The following TMEM177 variants were observed in gnomAD, a reference collection of about 807,000 sequenced individuals.
The protein encoded by TMEM177 is transmembrane protein 177.
In TMEM177, 4 loss-of-function variants were observed where a neutral mutation model predicts 14.2. That is an observed-to-expected ratio of 0.28 (90% CI 0.14 to 0.64). The LOEUF (loss-of-function observed/expected upper bound fraction) is 0.64, where lower values mean the gene tolerates loss of function less well. Ranked by LOEUF, TMEM177 falls within the 30% of genes least tolerant of loss-of-function variation. The probability of loss-of-function intolerance (pLI) is 0.82; values close to 1 mark genes in which losing one functional copy is unlikely to be tolerated. For missense variants in TMEM177, 344 were observed against 405.2 expected (o/e 0.85, Z 1.30); for synonymous variants, 179 against 174.5 (o/e 1.03, Z -0.20).
chr2:119,716,493 T>G, the TMEM177 span, among the ~76,000 whole-genome samples: 1 of 152,156 alleles, frequency 6.6e-6, no homozygotes, highest in African/African-American at 2.4e-5. Context: ...GCCAGGATCC[T>G]CTCTCAGCAA....
At chr2:119,697,761 A>G in the TMEM177 span, among the ~76,000 whole-genome samples, 5 of 151,870 alleles carry the variant, frequency 3.3e-5, no homozygotes, top group Admixed American at 6.6e-5. Flanking sequence ...CTTCACAGCA[A>G]CCTCGCTGAG....
the TMEM177 span, among the ~76,000 whole-genome samples, chr2:119,711,445 C>T: frequency 1.3e-5 from 2 of 152,114 alleles, no homozygotes; most frequent in South Asian, 4.1e-4. Flanking sequence ...ATTCACAAAG[C>T]CCCTGGCACG....
chr2:119,694,311 CCACA>C, the TMEM177 span, among the ~76,000 whole-genome samples: 1 of 149,818 alleles, frequency 6.7e-6, no homozygotes, highest in South Asian at 2.1e-4. Flanking sequence ...CACTATACCT[CCACA>C]CACACCACTC....
At chr2:119,684,201 C>A (rs146793995), downstream of TMEM177, among the ~76,000 whole-genome samples, 355 of 152,324 alleles carry the variant, frequency 2.3e-3, no homozygotes, top group Non-Finnish European at 3.0e-3. Context: ...CTGCTCTCCC[C>A]TCCTGCCCAC....
the TMEM177 span, among the ~76,000 whole-genome samples, chr2:119,701,589 A>G: frequency 1.3e-5 from 2 of 152,188 alleles, no homozygotes; most frequent in Non-Finnish European, 1.5e-5. Flanking sequence ...AAGGCCACAG[A>G]GGGGTTCCAG....
At chr2:119,688,548 C>G (rs562317823), downstream of TMEM177, among the ~76,000 whole-genome samples, 1 of 152,108 alleles carries the variant, frequency 6.6e-6, no homozygotes, top group Non-Finnish European at 1.5e-5. Context: ...GTAGCTGTAA[C>G]GCAATGGTGA....
chr2:119,680,997 C>T lies in TMEM177; in HGVS notation c.144C>T (p.Tyr48=), dbSNP rs1688881101. Residue 48 remains tyrosine, a synonymous_variant, in exon 2 of 2, where the codon TAC becomes TAT. Transcript: ENST00000272521. ...CCGTGGTCCAATGGCTCTACCAGTACTGGCCTCAGGGCCAGCCAGCTCCGC... is the reference window on the plus strand; with the variant it reads ...CCGTGGTCCAATGGCTCTACCAGTATTGGCCTCAGGGCCAGCCAGCTCCGC... The part of the protein sequence containing the change: ...PDPVVQWLYQ[Y]WPQGQPAPLP... 6.2e-7 allele frequency: 1 copy of T among 1,614,242 alleles called. No homozygotes were observed. The highest frequency in any genetic ancestry group is 8.5e-7 in the Non-Finnish European group (1 of 1,180,044).
chr2:119,700,860 C>A, the TMEM177 span, among the ~76,000 whole-genome samples: 2 of 152,326 alleles, frequency 1.3e-5, no homozygotes, highest in South Asian at 4.1e-4. Flanking sequence ...GAATAGGTAA[C>A]CTTGCTTTTT....
downstream of TMEM177, among the ~76,000 whole-genome samples, chr2:119,683,335 G>A (rs1688949499): frequency 6.6e-6 from 1 of 152,198 alleles, no homozygotes; most frequent in Admixed American, 6.5e-5. Flanking sequence ...ATACATAGGT[G>A]GATAGATGAG....
the TMEM177 span, among the ~76,000 whole-genome samples, chr2:119,707,973 C>A: frequency 6.6e-6 from 1 of 152,220 alleles, no homozygotes; most frequent in African/African-American, 2.4e-5. Context: ...GCTCCGGCGC[C>A]TCTCCCAAAA....
the TMEM177 span, among the ~76,000 whole-genome samples, chr2:119,721,990 G>A: frequency 6.6e-6 from 1 of 152,160 alleles, no homozygotes; most frequent in African/African-American, 2.4e-5. Flanking sequence ...TTCCCATCCT[G>A]CCCACAAGAA....
the TMEM177 span, among the ~76,000 whole-genome samples, chr2:119,703,314 C>T: frequency 1.3e-5 from 2 of 152,162 alleles, no homozygotes; most frequent in African/African-American, 4.8e-5. Flanking sequence ...CAGCTGGGAG[C>T]GAGGCTGGGC....
At position 119,681,439 on chromosome 2, in the gene TMEM177, G is replaced by A. The variant is rs771842601; in HGVS notation, c.586G>A (p.Gly196Ser). The change falls in exon 2 of 2, where the codon GGC becomes AGC. Residue 196 changes from glycine (G) to serine (S), a missense_variant. Transcript: ENST00000272521. ...GAKYTLGLHA[G>S]PMNLRAAFSL... ...CAAGTACACCCTGGGGCTCCATGCA[G>A]GCCCCATGAATTTACGGGCTGCCTT... The A allele has an allele frequency of 4.3e-6, 7 of 1,613,792 alleles. No homozygotes were observed. The South Asian group carries it at 7.7e-5, about 18-fold the overall frequency.
the TMEM177 span, among the ~76,000 whole-genome samples, chr2:119,694,133 C>G: frequency 1.7e-4 from 5 of 29,632 alleles, no homozygotes; most frequent in Admixed American, 1.7e-3. Context: ...ACATGCCACG[C>G]ACATTGCACG....
In TMEM177 at chr2:119,681,681, G is replaced by A; in HGVS notation, c.828G>A (p.Gly276=). Residue 276 remains glycine (G), a synonymous_variant, in exon 2 of 2, where the codon GGG becomes GGA. Transcript: ENST00000272521. The part of the protein sequence containing the change: ...KDGEKLYTPS[G]NIVPRHLFRI... ...GGGAGAAGCTGTATACACCCAGCGG[G>A]AACATCGTCCCCAGACACTTGTTCC... is the stretch of plus-strand genomic sequence containing the variant. The A allele has an allele frequency of 1.2e-6, 2 of 1,614,162 alleles. No individual in the cohort carries two copies. The highest frequency in any genetic ancestry group is 8.5e-7 in the Non-Finnish European group (1 of 1,180,042).
At chr2:119,688,218 T>C (rs1167122465), downstream of TMEM177, among the ~76,000 whole-genome samples, 1 of 152,170 alleles carries the variant, frequency 6.6e-6, no homozygotes, top group East Asian at 1.9e-4. Flanking sequence ...TGCATGGTGA[T>C]TGCAATAATG....
Position 119,681,113 on chromosome 2 carries a change from C to T in TMEM177, c.260C>T (p.Thr87Ile), listed in dbSNP as rs756565870. 2 of 1,614,260 alleles carry T rather than the reference C, an allele frequency of 1.2e-6. No individual in the cohort carries two copies. The highest frequency in any genetic ancestry group is 3.3e-5 in the Admixed American group (2 of 60,038). Residue 87 changes from threonine (T) to isoleucine (I), a missense_variant, in exon 2 of 2, where the codon ACC (threonine) becomes ATC (isoleucine). Transcript: ENST00000272521. The stretch of plus-strand genomic sequence containing the variant: ...TGCTACAAGCCCTTCACCACCTTCA[C>T]CTTCCAACCTGTGAGTGCAGGCTTC... ...GHCYKPFTTF[T>I]FQPVSAGFPR...
At chr2:119,707,787 C>A in the TMEM177 span, among the ~76,000 whole-genome samples, 1 of 152,248 alleles carries the variant, frequency 6.6e-6, no homozygotes, top group Non-Finnish European at 1.5e-5. Flanking sequence ...CCCCTCCCCT[C>A]CTCCACTCCG....
downstream of TMEM177, among the ~76,000 whole-genome samples, chr2:119,690,792 C>T (rs549185179): frequency 2.6e-5 from 4 of 152,378 alleles, no homozygotes; most frequent in East Asian, 5.8e-4. Flanking sequence ...GAATTATGCT[C>T]GCTTTTACCC....
Sources: gnomAD v4.1 joint callset for allele counts (sites outside exome capture counted in the v4.1 genomes callset) on GRCh38, gnomAD v4.1.1 for gene constraint, MANE v1.5 for transcripts, NCBI Gene and HGNC (gene_info 2026-07-23, HGNC 2026-07-21) for gene names.